RECQL4: variants seen among roughly 807,000 people sequenced by gnomAD.
RECQL4 encodes the protein RecQ like helicase 4.
A neutral mutation model predicts 128.6 loss-of-function variants in RECQL4; 158 were observed. The observed-to-expected ratio is 1.23, with a 90% confidence interval of 1.08 to 1.40. RECQL4 has a LOEUF of 1.40. RECQL4 is among the 40% of genes most tolerant of loss of function. The probability of loss-of-function intolerance (pLI) is 0.00; values close to 1 mark genes in which losing one functional copy is unlikely to be tolerated. For missense variants in RECQL4, 2,293 were observed against 1,649.8 expected (o/e 1.39, Z -6.75); for synonymous variants, 996 against 678.9 (o/e 1.47, Z -7.26).
At chr8:144,515,292 A>C (rs780807373) in intron 7 of RECQL4, 34 bp downstream of exon 7, 265 of 1,611,034 alleles carry the variant, frequency 1.6e-4, no homozygotes, top group Admixed American at 5.7e-4. Context: ...CCAACCCCTC[A>C]GTGAAGGCTC....
In RECQL4 at chr8:144,517,727, G is replaced by A. The variant is rs1564812906; in HGVS notation, c.58C>T (p.Arg20Trp). The A allele has an allele frequency of 7.4e-7, 1 of 1,352,612 alleles. No homozygotes were observed. The highest frequency in any genetic ancestry group is 9.5e-7 in the Non-Finnish European group (1 of 1,051,562). The allele number at this position is 1,352,612 out of a possible 1,614,324, so 83.8% of individuals were successfully genotyped here. A position where few individuals can be genotyped will look rare whatever the true frequency, so the allele number is the denominator to read the frequency against. ...RLQAWERAFRRQRGRRPSQDD... is the reference protein window; with the variant it reads ...RLQAWERAFRWQRGRRPSQDD... Reference sequence around the variant, plus strand: ...TGGCTCGGTCGCCGCCCGCGCTGCCGTCGGAACGCGCGCTCCCACGCCTGC... The same window carrying A: ...TGGCTCGGTCGCCGCCCGCGCTGCCATCGGAACGCGCGCTCCCACGCCTGC... The change falls in exon 1 of 21, where the codon CGG (arginine) becomes TGG (tryptophan). Residue 20 changes from arginine to tryptophan, a missense_variant. Physicochemically the swap from Arg to Trp is moderately radical, Grantham distance 101. Coordinates refer to ENST00000617875, the MANE Select transcript of RECQL4 (RefSeq NM_004260.4).
At position 144,516,320 on chromosome 8, in the gene RECQL4, C is replaced by A. The variant is rs1410866374; in HGVS notation, c.799G>T (p.Glu267Ter). Residue 267 changes from glutamate (E) to a stop codon, truncating the protein, a stop_gained, in exon 5 of 21, where the codon GAG (glutamate) becomes TAG (stop). Transcript: ENST00000617875. LOFTEE classifies it high-confidence loss of function. Reference protein sequence around the residue: ...SGGEKRRWNEEPWESPAQVQQ... With the variant: ...SGGEKRRWNE ...ACCTGTGCGGGGCTCTCCCAGGGCT[C>A]CTCGTTCCATCTCCGCTTCTCGCCT... 1.9e-6 allele frequency: 3 copies of A among 1,609,506 alleles called. No individual in the cohort carries two copies. Among genetic ancestry groups the A allele is most frequent in the Non-Finnish European group, 2.5e-6 (3 of 1,179,210 alleles).
At chr8:144,517,245 G>A (rs1182980115) in intron 3 of RECQL4, 55 bp from the exon 4 acceptor site, 1 of 1,535,710 alleles carries the variant, frequency 6.5e-7, no homozygotes, top group African/African-American at 1.4e-5. Context: ...CGGCAGAAGC[G>A]CTCCCAGCCA....
chr8:144,515,612 G>A (rs999946028), intron 6 of RECQL4, among the ~76,000 whole-genome samples, 152 bp downstream of exon 6: 3 of 152,204 alleles, frequency 2.0e-5, no homozygotes, highest in South Asian at 2.1e-4. Context: ...AGCCATCGTC[G>A]TCCCTGCCAC....
In RECQL4 at chr8:144,515,262, T is replaced by G; in HGVS notation, c.1391-20A>C. ...GCGTCTCTGCAGACACAGATGTTGA[T>G]CACCATGACTTGAGTCACCCCAACC... On this transcript the variant is annotated intron_variant, in intron 7 of 20. Coordinates refer to ENST00000617875, the MANE Select transcript of RECQL4 (RefSeq NM_004260.4). The G allele has an allele frequency of 6.2e-7, 1 of 1,605,902 alleles. No homozygotes were observed. The highest frequency in any genetic ancestry group is 8.5e-7 in the Non-Finnish European group (1 of 1,176,730).
chr8:144,513,517 A>C, intron 13 of RECQL4, 37 bp from the exon 14 acceptor site: 1 of 1,610,768 alleles, frequency 6.2e-7, no homozygotes, highest in Non-Finnish European at 8.5e-7. Flanking sequence ...GTGGGATGGG[A>C]CCATGTGTGC....
In RECQL4 at chr8:144,513,342, C is replaced by A. The variant is rs369488194; in HGVS notation, c.2339G>T (p.Arg780Leu). 2.7e-5 allele frequency: 43 copies of A among 1,604,396 alleles called. No individual in the cohort carries two copies. The highest frequency in any genetic ancestry group is 3.5e-5 in the Non-Finnish European group (41 of 1,179,638). ...ATVAFGMGLD[R>L]PDVRAVLHLG... ...ATGCAGCACAGCCCGCACATCTGGC[C>A]GGTCCAGCCCCATCCCAAAGGCCAC... is the stretch of plus-strand genomic sequence containing the variant. Residue 780 changes from arginine (R) to leucine (L), a missense_variant, in exon 14 of 21, where the codon CGG (arginine) becomes CTG (leucine). Transcript: ENST00000617875.
Position 144,511,471 on chromosome 8 carries a change from A to G in RECQL4, c.3587T>C (p.Val1196Ala). ...KYLHLSFHAL[V>A]GLATEELLQV... ...CAGGAGCTCTTCCGTGGCCAGGCCC[A>G]CCAGGGCATGGAAGCTCAGGTGCAG... The change falls in exon 21 of 21, where the codon GTG becomes GCG. Residue 1196 changes from valine to alanine, a missense_variant. Coordinates refer to ENST00000617875, the MANE Select transcript of RECQL4 (RefSeq NM_004260.4). The G allele has an allele frequency of 1.2e-6, 2 of 1,612,504 alleles. No individual in the cohort carries two copies. Among genetic ancestry groups the G allele is most frequent in the Non-Finnish European group, 1.7e-6 (2 of 1,179,748 alleles).
In RECQL4 at chr8:144,514,192, G is replaced by C. The variant is rs1301085885; in HGVS notation, c.1875C>G (p.Cys625Trp). Residue 625 changes from cysteine (C) to tryptophan (W), a missense_variant, in exon 11 of 21, where the codon TGC becomes TGG. Physicochemically the swap from Cys to Trp is radical, Grantham distance 215 (BLOSUM62 -2). Coordinates refer to ENST00000617875, the MANE Select transcript of RECQL4 (RefSeq NM_004260.4). ...HNFRPCYLRV[C>W]KVLRERMGVH... ...CCCCAGTTCACATATGGCTCACCTT[G>C]CAGACGCGCAGGTAGCAGGGCCGGA... is the stretch of plus-strand genomic sequence containing the variant. 4 of 1,612,082 alleles carry C rather than the reference G, an allele frequency of 2.5e-6. No homozygotes were observed. The African/African-American group carries it at 5.3e-5, about 22-fold the overall frequency.
Position 144,513,071 on chromosome 8 carries a change from C to T in RECQL4, c.2531G>A (p.Arg844Lys), listed in dbSNP as rs780474951. 3 of 1,578,590 alleles carry T rather than the reference C, an allele frequency of 1.9e-6. No individual in the cohort carries two copies. Among genetic ancestry groups the T allele is most frequent in the African/African-American group, 1.3e-5 (1 of 74,188 alleles). The part of the protein sequence containing the change: ...ADSTDFLAVK[R>K]LVQRVFPACT... The stretch of plus-strand genomic sequence containing the variant: ...GGCTGGGAACACGCGCTGTACCAGC[C>T]TCTTCACAGCCAGGAAGTCCGTGCT... The change falls in exon 15 of 21, where the codon AGG (arginine) becomes AAG (lysine). Residue 844 changes from arginine to lysine, a missense_variant. Coordinates refer to ENST00000617875, the MANE Select transcript of RECQL4 (RefSeq NM_004260.4).
rs1205977002 is a variant in RECQL4, at chr8:144,514,115, A to G, written c.1879-8T>C. ...CATGCGCTCCCGAAGCACCTGCACC[A>G]GAGGCGGCAGTGGTGTGAGGCCGCC... On this transcript the variant is annotated splice_region_variant and splice_polypyrimidine_tract_variant and intron_variant, in intron 11 of 20. Coordinates refer to ENST00000617875, the MANE Select transcript of RECQL4 (RefSeq NM_004260.4). 2 of 1,608,186 alleles carry G rather than the reference A, an allele frequency of 1.2e-6. No homozygotes were observed. Among genetic ancestry groups the G allele is most frequent in the African/African-American group, 1.3e-5 (1 of 74,818 alleles).
At position 144,512,904 on chromosome 8, in the gene RECQL4, G is replaced by A; in HGVS notation, c.2698C>T (p.His900Tyr). The A allele has an allele frequency of 1.3e-6, 2 of 1,589,260 alleles. No homozygotes were observed. The highest frequency in any genetic ancestry group is 1.1e-5 in the South Asian group (1 of 87,906). Residue 900 changes from histidine (H) to tyrosine (Y), a missense_variant, in exon 15 of 21, where the codon CAT becomes TAT. His to Tyr is a moderately conservative substitution (Grantham distance 83, BLOSUM62 2). Transcript: ENST00000617875. ...AGCTGTATTGGGAGTGCCCGCTCAT[G>A]GCCCATGCAGACCCTTCTGGGTCCT... ...APGPRRVCMGHERALPIQLTV... is the reference protein window; with the variant it reads ...APGPRRVCMGYERALPIQLTV...
intron 5 of RECQL4, 21 bp downstream of exon 5, chr8:144,515,967 C>T (rs949767974): frequency 1.2e-6 from 2 of 1,610,946 alleles, no homozygotes; most frequent in African/African-American, 2.7e-5. Flanking sequence ...GAATGCCTGT[C>T]CTGGCCCGTC....
rs1193351573 is a variant in RECQL4, at chr8:144,514,519, C to A, written c.1627G>T (p.Gly543Cys). ...LLSLMDDQVS[G>C]LPPCLKAACI... ...GCCGCCTTGAGACACGGTGGCAGGC[C>A]AGACACCTGCAAATGCAGGAGCGAC... Residue 543 changes from glycine (G) to cysteine (C), a missense_variant, in exon 10 of 21, where the codon GGC becomes TGC. By Grantham distance (159) the Gly-to-Cys change is radical (BLOSUM62 -3). Coordinates refer to ENST00000617875, the MANE Select transcript of RECQL4 (RefSeq NM_004260.4). The A allele has an allele frequency of 6.2e-7, 1 of 1,611,202 alleles. No individual in the cohort carries two copies. The highest frequency in any genetic ancestry group is 1.1e-5 in the South Asian group (1 of 90,864).
At position 144,512,373 on chromosome 8, in the gene RECQL4, G is replaced by C. The variant is rs1466708625; in HGVS notation, c.3055+19C>G. On this transcript the variant is annotated intron_variant, in intron 17 of 20. Coordinates refer to ENST00000617875, the MANE Select transcript of RECQL4 (RefSeq NM_004260.4). ...AGGCAGGCAGCGTCCAGGGCGGTGT[G>C]GGGTGGGGAGAGGCGCACCTGTCCT... The C allele has an allele frequency of 6.2e-7, 1 of 1,608,270 alleles. No homozygotes were observed. Among genetic ancestry groups the C allele is most frequent in the Non-Finnish European group, 8.5e-7 (1 of 1,176,888 alleles).
rs773325186 is a variant in RECQL4, at chr8:144,517,181, GCT to G, written c.221_222del (p.Glu74AlafsTer62). 6 of 1,603,876 alleles carry G rather than the reference GCT, an allele frequency of 3.7e-6. No homozygotes were observed. Among genetic ancestry groups the G allele is most frequent in the Non-Finnish European group, 5.1e-6 (6 of 1,177,108 alleles). ...TTCAGATGGGGCCCCCAGCAGCGGGGCTCTGGCGCCTGCAGGAGACAACAGGG... is the reference window on the plus strand; with the variant it reads ...TTCAGATGGGGCCCCCAGCAGCGGGGCTGGCGCCTGCAGGAGACAACAGGG... ...SLPAAAEEAP[E>X]PRCWGPHLNR... On this transcript the variant is annotated frameshift_variant, in exon 4 of 21. Transcript: ENST00000617875. LOFTEE classifies it high-confidence loss of function.
chr8:144,515,534 C>G lies in RECQL4; in HGVS notation c.1259-77G>C, dbSNP rs1430951222. 4 of 1,600,070 alleles carry G rather than the reference C, an allele frequency of 2.5e-6. No individual in the cohort carries two copies. The African/African-American group carries it at 5.4e-5, about 21-fold the overall frequency. On this transcript the variant is annotated intron_variant, in intron 6 of 20. Coordinates refer to ENST00000617875, the MANE Select transcript of RECQL4 (RefSeq NM_004260.4). ...CCACTGGCCACAACCTCTCCTTCCC[C>G]CAAAGGGGGTTGGCAGCAGGCAGTG...
At chr8:144,515,626 CCTT>C in intron 6 of RECQL4, 135 bp downstream of exon 6, 1 of 1,439,930 alleles carries the variant, frequency 6.9e-7, no homozygotes, top group African/African-American at 1.4e-5. Context: ...CTGCCACCCT[CCTT>C]CAGGGGAGCT....
Position 144,513,200 on chromosome 8 carries a change from G to A in RECQL4, c.2463+18C>T, listed in dbSNP as rs41542315. The A allele has an allele frequency of 1.4e-4, 39 of 278,488 alleles. No homozygotes were observed. In the Admixed American group the frequency reaches 3.7e-3, roughly 26 times the overall value. The allele number at this position is 278,488 out of a possible 1,614,324, so 17.3% of individuals were successfully genotyped here. ...TGGGGGCTCGAGCACTGGCAGTGTG[G>A]GGGGGGGGGGTGCCAACCTGGGGCT... On this transcript the variant is annotated intron_variant, in intron 14 of 20. Transcript: ENST00000617875.
Sources: allele counts gnomAD v4.1 joint callset (sites outside exome capture counted in the v4.1 genomes callset), GRCh38; gene constraint gnomAD v4.1.1; transcripts MANE v1.5; gene names NCBI Gene and HGNC (gene_info 2026-07-23, HGNC 2026-07-21).